Variants in KCNIP4 observed in about 807,000 individuals in gnomAD.
KCNIP4 encodes the protein Kv channel-interacting protein 4.
A neutral mutation model predicts 34.0 loss-of-function variants in KCNIP4; 12 were observed. The ratio of observed to expected loss-of-function variants is 0.35; its 90% CI spans 0.23 to 0.57. The LOEUF is 0.57. Among genes scored for constraint, KCNIP4 ranks in the 20% least tolerant of loss-of-function variants. The pLI is 0.83. For synonymous variants in KCNIP4, 124 were observed against 102.2 expected, an observed-to-expected ratio of 1.21 and a Z score of -1.29; for missense variants, 238 against 311.7, an observed-to-expected ratio of 0.76 and a Z score of 1.78.
chr4:21,682,944 A>G lies in KCNIP4; in HGVS notation c.61+265627T>C, dbSNP rs140039833. Among the ~76,000 whole-genome samples the G allele has an allele frequency of 2.7e-3, 404 of 152,360 alleles. 1 individual carries two copies. Among genetic ancestry groups the G allele is most frequent in the African/African-American group, 7.8e-3 (323 of 41,584 alleles). On this transcript the variant is annotated intron_variant, in intron 1 of 8. Transcript: ENST00000382152. Reference sequence around the variant, plus strand: ...ATAATGAAAAACTATGAAATATTGCAACGATCATAATGTGACTCAGAAACA... The same window carrying G: ...ATAATGAAAAACTATGAAATATTGCGACGATCATAATGTGACTCAGAAACA...
At chr4:21,577,008 A>C (rs1740790648) in intron 1 of KCNIP4, among the ~76,000 whole-genome samples, 1 of 152,194 alleles carries the variant, frequency 6.6e-6, no homozygotes, top group Non-Finnish European at 1.5e-5. Flanking sequence ...TAAAAAAATT[A>C]AATAGGTGCA....
chr4:21,744,684 T>C (rs1302712445), intron 1 of KCNIP4, among the ~76,000 whole-genome samples: 1 of 152,162 alleles, frequency 6.6e-6, no homozygotes, highest in Middle Eastern at 3.2e-3. Context: ...AATTGGTCAG[T>C]GTCCAGGCTC....
Position 21,117,299 on chromosome 4 carries a change from CCGGGGGGGGG to C in KCNIP4, c.62-234600_62-234591del, listed in dbSNP as rs1560737516. Reference sequence around the variant, plus strand: ...AGAAGATGTAGCCTGGCCGGGGTTGCCGGGGGGGGGGGGGGGGGGGCGCTGTTTTTCATCT... The same window carrying C: ...AGAAGATGTAGCCTGGCCGGGGTTGCGGGGGGGGGGCGCTGTTTTTCATCT... On this transcript the variant is annotated intron_variant, in intron 1 of 8. Transcript: ENST00000382152. 5.6e-3 allele frequency among the ~76,000 whole-genome samples: 363 copies of C among 64,652 alleles called. 10 individuals are homozygous for C. Among genetic ancestry groups the C allele is most frequent in the African/African-American group, 0.012 (333 of 27,116 alleles). The allele number at this position is 64,652 out of a possible 152,430, so 42.4% of individuals were successfully genotyped here.
intron 1 of KCNIP4, among the ~76,000 whole-genome samples, chr4:21,118,023 C>T (rs1749833254): frequency 6.6e-6 from 1 of 152,076 alleles, no homozygotes; most frequent in Admixed American, 6.5e-5. Flanking sequence ...GAGTTAATAA[C>T]CTGGGGTGGG....
chr4:21,941,782 G>A (rs1290636217), intron 1 of KCNIP4, among the ~76,000 whole-genome samples: 3 of 152,162 alleles, frequency 2.0e-5, no homozygotes, highest in South Asian at 2.1e-4. Context: ...GGCTGTGTTC[G>A]TTTAGGAAGA....
chr4:21,350,254 C>T (rs1231997307), intron 1 of KCNIP4, among the ~76,000 whole-genome samples: 1 of 152,078 alleles, frequency 6.6e-6, no homozygotes, highest in Non-Finnish European at 1.5e-5. Flanking sequence ...TATCATTCAG[C>T]AACGTCTTTT....
intron 1 of KCNIP4, among the ~76,000 whole-genome samples, chr4:20,948,056 G>A (rs914296406): frequency 2.0e-5 from 3 of 152,204 alleles, no homozygotes; most frequent in Non-Finnish European, 2.9e-5. Context: ...TACAGTCAGT[G>A]CTGTGAAAAC....
chr4:21,924,375 C>G (rs952935822), intron 1 of KCNIP4, among the ~76,000 whole-genome samples: 11 of 151,348 alleles, frequency 7.3e-5, no homozygotes, highest in African/African-American at 2.7e-4. Flanking sequence ...TCCCAAGTAG[C>G]TGGGACTACA....
chr4:21,546,501 T>A (rs952283667), intron 1 of KCNIP4, among the ~76,000 whole-genome samples: 1 of 152,066 alleles, frequency 6.6e-6, no homozygotes, highest in Admixed American at 6.6e-5. Flanking sequence ...AACCGAAAGA[T>A]TGTATATTCT....
chr4:21,683,803 T>C (rs1308198437), intron 1 of KCNIP4, among the ~76,000 whole-genome samples: 1 of 152,152 alleles, frequency 6.6e-6, no homozygotes, highest in African/African-American at 2.4e-5. Flanking sequence ...CAGATGAAGC[T>C]GGAGGTCATT....
rs574498802 is a variant in KCNIP4 at position 20,866,254 on chromosome 4, C to T, written c.164-15587G>A. Reference sequence around the variant, plus strand: ...CCTCATGAATACAGACAAAAAAATCCTCAAGAAAAGACTAGCATATTGAAT... The same window carrying T: ...CCTCATGAATACAGACAAAAAAATCTTCAAGAAAAGACTAGCATATTGAAT... On this transcript the variant is annotated intron_variant, in intron 2 of 8. Coordinates refer to ENST00000382152, the MANE Select transcript of KCNIP4 (RefSeq NM_025221.6). Among the ~76,000 whole-genome samples, 7 of 152,028 alleles carry T rather than the reference C, an allele frequency of 4.6e-5. No individual in the cohort carries two copies. The East Asian group carries it at 1.4e-3, about 29-fold the overall frequency.
At chr4:20,764,854 G>A (rs1176852587) in intron 3 of KCNIP4, among the ~76,000 whole-genome samples, 1 of 152,158 alleles carries the variant, frequency 6.6e-6, no homozygotes, top group Admixed American at 6.5e-5. Flanking sequence ...GGGTCGCTGT[G>A]ATGGCACTCA....
chr4:21,718,633 TAA>T (rs1366258352), intron 1 of KCNIP4: 4 of 151,298 alleles, frequency 2.6e-5, no homozygotes, highest in Non-Finnish European at 5.9e-5. Context: ...CAAACACACT[TAA>T]AGTTTTATGA....
chr4:20,811,953 C>A (rs1182445918), intron 3 of KCNIP4, among the ~76,000 whole-genome samples: 1 of 152,058 alleles, frequency 6.6e-6, no homozygotes, highest in Non-Finnish European at 1.5e-5. Flanking sequence ...AGCAGATTCC[C>A]AGAAAAGAAT....
intron 1 of KCNIP4, among the ~76,000 whole-genome samples, chr4:20,911,658 G>A (rs1378995813): frequency 3.3e-5 from 5 of 152,068 alleles, no homozygotes; most frequent in Admixed American, 2.6e-4. Flanking sequence ...GGATTAACTG[G>A]GGGTTTACTC....
intron 1 of KCNIP4, among the ~76,000 whole-genome samples, chr4:21,217,435 G>T (rs1462260596): frequency 6.6e-6 from 1 of 152,122 alleles, no homozygotes; most frequent in African/African-American, 2.4e-5. Context: ...AATTTTCAAG[G>T]TCAGAAAGCA....
At chr4:21,688,841 C>T (rs1751020066) in intron 1 of KCNIP4, among the ~76,000 whole-genome samples, 2 of 151,816 alleles carry the variant, frequency 1.3e-5, no homozygotes, top group African/African-American at 2.4e-5. Context: ...CCTTGCCTTT[C>T]CTGCTTGGCT....
intron 1 of KCNIP4, among the ~76,000 whole-genome samples, chr4:21,424,543 C>T (rs1048075491): frequency 6.6e-6 from 1 of 151,018 alleles, no homozygotes; most frequent in African/African-American, 2.4e-5. Context: ...TGCACTCCAG[C>T]CTGGGTGACA....
intron 1 of KCNIP4, among the ~76,000 whole-genome samples, chr4:21,371,017 G>A (rs962610316): frequency 7.1e-6 from 1 of 140,322 alleles, no homozygotes; most frequent in African/African-American, 3.1e-5. Flanking sequence ...TATGGTTGAT[G>A]TATGAAACTT....
Sources: allele counts gnomAD v4.1 joint callset (sites outside exome capture counted in the v4.1 genomes callset), GRCh38; gene constraint gnomAD v4.1.1; transcripts MANE v1.5; gene names NCBI Gene and HGNC (gene_info 2026-07-23, HGNC 2026-07-21).